Variants in GON4L observed in about 807,000 individuals in gnomAD.
GON4L encodes gon-4 like.
Under a neutral mutation model 211.8 loss-of-function variants are expected in GON4L, and 87 were observed. The ratio of observed to expected loss-of-function variants is 0.41; its 90% CI spans 0.35 to 0.49. GON4L has a LOEUF of 0.49. GON4L is among the 20% of genes least tolerant of loss of function. GON4L has a pLI of 0.15. For missense variants in GON4L, 2,155 were observed against 2,659.5 expected (o/e 0.81, Z 4.17); for synonymous variants, 875 against 962.6 (o/e 0.91, Z 1.68).
chr1:155,784,286 A>AGTCATTC (rs1557859403), intron 13 of GON4L, 197 bp from the exon 14 acceptor site: 5 of 658,142 alleles, frequency 7.6e-6, no homozygotes, highest in Non-Finnish European at 1.3e-5. Flanking sequence ...CCAAGAAAGA[A>AGTCATTC]GTCATTCAAC....
intron 12 of GON4L, among the ~76,000 whole-genome samples, chr1:155,791,839 G>C (rs572466590): frequency 6.6e-6 from 1 of 152,014 alleles, no homozygotes; most frequent in African/African-American, 2.4e-5. Flanking sequence ...TTGCACTCCA[G>C]CCTGGGCGAC....
chr1:155,841,900 C>T (rs1019751426), intron 2 of GON4L, among the ~76,000 whole-genome samples: 1 of 152,108 alleles, frequency 6.6e-6, no homozygotes. Context: ...TGGTGGCGAA[C>T]GCCTGTAATC....
rs1670733124 is a variant in GON4L, at chr1:155,841,096, T to C, written c.505+12180A>G. On this transcript the variant is annotated intron_variant, in intron 2 of 31. Transcript: ENST00000368331. The stretch of plus-strand genomic sequence containing the variant: ...ACAAGCTTGTATTCATTTAATAATT[T>C]TGCCTCTATATGAATTAATATAACT... Among the ~76,000 whole-genome samples, 4 of 152,360 alleles carry C rather than the reference T, an allele frequency of 2.6e-5. No homozygotes were observed. In the South Asian group the frequency reaches 8.3e-4, roughly 32 times the overall value.
At position 155,765,795 on chromosome 1, in the gene GON4L, G is replaced by A. The variant is rs200033678; in HGVS notation, c.3678C>T (p.His1226=). 8.7e-6 allele frequency: 14 copies of A among 1,614,160 alleles called. No individual in the cohort carries two copies. The highest frequency in any genetic ancestry group is 2.7e-5 in the African/African-American group (2 of 75,034). ...CAGCACAAGCAATGTCCACATTCAC[G>A]TGGGCCTTATCTTCAGGGGTGGATG... ...PIPSTPEDKA[H]VNVDIACAVA... is the part of the protein sequence containing the mutation. Residue 1226 remains histidine, a synonymous_variant, in exon 21 of 32, where the codon CAC becomes CAT. Transcript: ENST00000368331.
chr1:155,766,507 G>C lies in GON4L; in HGVS notation c.2966C>G (p.Pro989Arg), dbSNP rs1662500497. The C allele has an allele frequency of 6.2e-7, 1 of 1,614,100 alleles. No individual in the cohort carries two copies. Among genetic ancestry groups the C allele is most frequent in the Non-Finnish European group, 8.5e-7 (1 of 1,180,016 alleles). Residue 989 changes from proline to arginine, a missense_variant, in exon 21 of 32, where the codon CCC becomes CGC. Physicochemically the swap from Pro to Arg is moderately radical, Grantham distance 103 (BLOSUM62 -2). Transcript: ENST00000368331. ...LKLKPVATRFPRKAWRQKRSS... is the reference protein window; with the variant it reads ...LKLKPVATRFRRKAWRQKRSS... Reference sequence around the variant, plus strand: ...ACGCTTCTGTCTCCAAGCCTTCCTGGGGAAACGGGTGGCAACTGGCTTCAG... The same window carrying C: ...ACGCTTCTGTCTCCAAGCCTTCCTGCGGAAACGGGTGGCAACTGGCTTCAG...
intron 12 of GON4L, among the ~76,000 whole-genome samples, chr1:155,786,175 A>G (rs1664923232): frequency 6.6e-6 from 1 of 152,126 alleles, no homozygotes. Flanking sequence ...GATGCTTGGG[A>G]TATATGAGAG....
intron 2 of GON4L, among the ~76,000 whole-genome samples, chr1:155,841,496 C>T (rs1019699253): frequency 6.6e-6 from 1 of 152,136 alleles, no homozygotes; most frequent in African/African-American, 2.4e-5. Flanking sequence ...AGTTTTATAA[C>T]CTTATTTTTT....
intron 2 of GON4L, among the ~76,000 whole-genome samples, chr1:155,830,441 C>A (rs939020693): frequency 2.6e-5 from 4 of 151,656 alleles, no homozygotes; most frequent in African/African-American, 9.7e-5. Context: ...CCACGCCCAG[C>A]TAATTTTGTA....
In GON4L at chr1:155,753,351, G is replaced by C; in HGVS notation, c.5695C>G (p.Arg1899Gly). ...GCACCAGGCATAGGACTAGCCTCTC[G>C]GTGGGGGCTGCTGCCCACCAACTCA... ...PHELVGSSPH[R>G]EASPMPGAKE... is the part of the protein sequence containing the mutation. Residue 1899 changes from arginine to glycine, a missense_variant, in exon 29 of 32, where the codon CGA becomes GGA. By Grantham distance (125) the Arg-to-Gly change is moderately radical. Around this residue, in one of 6 missense-constraint regions of GON4L, gnomAD observed 455 missense variants for 504.6 expected, o/e 0.90. Transcript: ENST00000368331. 6.2e-7 allele frequency: 1 copy of C among 1,613,732 alleles called. No individual in the cohort carries two copies. The highest frequency in any genetic ancestry group is 8.5e-7 in the Non-Finnish European group (1 of 1,179,772).
chr1:155,853,003 T>C (rs1001836751), intron 2 of GON4L, among the ~76,000 whole-genome samples: 1 of 152,058 alleles, frequency 6.6e-6, no homozygotes, highest in Non-Finnish European at 1.5e-5. Flanking sequence ...TCCTAGATAC[T>C]TGAGAGACTG....
Position 155,765,682 on chromosome 1 carries a change from T to C in GON4L, c.3791A>G (p.Lys1264Arg). 1 of 1,614,190 alleles carries C rather than the reference T, an allele frequency of 6.2e-7. No individual in the cohort carries two copies. The highest frequency in any genetic ancestry group is 1.6e-4 in the Middle Eastern group (1 of 6,062). Reference protein sequence around the residue: ...LSPLSATVFPKVEHSPGPPLA... With the variant: ...LSPLSATVFPRVEHSPGPPLA... The stretch of plus-strand genomic sequence containing the variant: ...TGGAGGCCCTGGGCTATGTTCCACT[T>C]TCGGGAAAACAGTAGCAGAGAGAGG... Residue 1264 changes from lysine (K) to arginine (R), a missense_variant, in exon 21 of 32, where the codon AAA (lysine) becomes AGA (arginine). Around this residue, in one of 6 missense-constraint regions of GON4L, gnomAD observed 615 missense variants for 625.7 expected, o/e 0.98. Transcript: ENST00000368331.
intron 19 of GON4L, among the ~76,000 whole-genome samples, chr1:155,768,552 A>G (rs886338825): frequency 2.0e-5 from 3 of 148,934 alleles, no homozygotes; most frequent in African/African-American, 7.5e-5. Context: ...CGGAGCTTGC[A>G]GTGAGCCGAG....
At chr1:155,847,716 C>A (rs1187417213) in intron 2 of GON4L, among the ~76,000 whole-genome samples, 1 of 151,168 alleles carries the variant, frequency 6.6e-6, no homozygotes, top group Admixed American at 6.6e-5. Context: ...CAACAAAAAA[C>A]AAAAAAAATT....
intron 10 of GON4L, among the ~76,000 whole-genome samples, chr1:155,807,730 A>AAAAAAAAAAAAAAG (rs1395575383): frequency 1.4e-5 from 2 of 143,798 alleles, no homozygotes; most frequent in African/African-American, 5.2e-5. Flanking sequence ...AAAAAAGAAA[A>AAAAAAAAAAAAAAG]TCAGAAAGTG....
chr1:155,750,042 G>C lies in GON4L; in HGVS notation c.*542C>G. 1 of 1,199,770 alleles carries C rather than the reference G, an allele frequency of 8.3e-7. No individual in the cohort carries two copies. Among genetic ancestry groups the C allele is most frequent in the Admixed American group, 2.2e-5 (1 of 46,406 alleles). The allele number at this position is 1,199,770 out of a possible 1,614,324, so 74.3% of individuals were successfully genotyped here. On this transcript the variant is annotated 3_prime_UTR_variant, in exon 32 of 32. Transcript: ENST00000368331. ...CTTGCGGCGCTGGGCCAGCTTCATG[G>C]ATGCTGGAGTGGAGCACGATGACGT...
At chr1:155,818,314 G>T (rs958709649) in intron 6 of GON4L, among the ~76,000 whole-genome samples, 1 of 152,038 alleles carries the variant, frequency 6.6e-6, no homozygotes, top group African/African-American at 2.4e-5. Context: ...GTTTCGCCAT[G>T]TTGGCCAGGC....
intron 12 of GON4L, among the ~76,000 whole-genome samples, chr1:155,787,066 C>T (rs906773952): frequency 1.4e-5 from 2 of 147,644 alleles, no homozygotes; most frequent in African/African-American, 2.5e-5. Context: ...GGACTACAGG[C>T]GCCTGCCACC....
chr1:155,757,108 A>C, intron 26 of GON4L, 31 bp from the exon 27 acceptor site: 1 of 1,613,832 alleles, frequency 6.2e-7, no homozygotes, highest in Non-Finnish European at 8.5e-7. Context: ...CTGAGCACAG[A>C]CACCAGGCCA....
At chr1:155,833,939 T>C (rs1421418374) in intron 2 of GON4L, among the ~76,000 whole-genome samples, 3 of 151,916 alleles carry the variant, frequency 2.0e-5, no homozygotes, top group Non-Finnish European at 4.4e-5. Context: ...GCTATCCCCC[T>C]AGCTACTCCT....
Sources: allele counts gnomAD v4.1 joint callset (sites outside exome capture counted in the v4.1 genomes callset), GRCh38; gene constraint gnomAD v4.1.1; regional missense constraint gnomAD v4.1.1; transcripts MANE v1.5; gene names NCBI Gene and HGNC (gene_info 2026-07-23, HGNC 2026-07-21).